Variants in RRP12 observed in about 807,000 individuals in gnomAD.
RRP12 encodes the protein RRP12-like protein.
Under a neutral mutation model 157.3 loss-of-function variants are expected in RRP12, and 78 were observed. The ratio of observed to expected loss-of-function variants is 0.50; its 90% CI spans 0.41 to 0.60. The LOEUF (loss-of-function observed/expected upper bound fraction) is 0.60, where lower values mean the gene tolerates loss of function less well. Ranked by LOEUF, RRP12 falls within the 20% of genes least tolerant of loss-of-function variation. RRP12 has a pLI of 0.00. For missense variants in RRP12, 1,521 were observed against 1,679.9 expected (o/e 0.91, Z 1.65); for synonymous variants, 726 against 670.9 (o/e 1.08, Z -1.27).
At chr10:97,389,879 A>C (rs1330089190) in intron 6 of RRP12, among the ~76,000 whole-genome samples, 3 of 151,858 alleles carry the variant, frequency 2.0e-5, no homozygotes, top group African/African-American at 7.3e-5. Context: ...CACCTGGCTA[A>C]TTTTTATATT....
rs1321764111 is a variant in RRP12 at position 97,373,220 on chromosome 10, T to C, written c.2027-20A>G. The stretch of plus-strand genomic sequence containing the variant: ...CAGCCTCTGGTAAAAGGATCAAAGT[T>C]TGCACTAAAGGCACAGGAGCTGACT... On this transcript the variant is annotated intron_variant, in intron 17 of 33. Coordinates refer to ENST00000370992, the MANE Select transcript of RRP12 (RefSeq NM_015179.4). 5.0e-6 allele frequency: 8 copies of C among 1,612,738 alleles called. No homozygotes were observed. Among genetic ancestry groups the C allele is most frequent in the Middle Eastern group, 1.7e-4 (1 of 6,060 alleles).
chr10:97,360,414 C>T (rs779304480), intron 31 of RRP12, 132 bp downstream of exon 31: 4 of 720,884 alleles, frequency 5.5e-6, no homozygotes, highest in South Asian at 1.6e-5. Flanking sequence ...TATCAGCCAA[C>T]CTCTGTTGGT....
chr10:97,360,658 G>C (rs779204476), intron 30 of RRP12, 40 bp from the exon 31 acceptor site: 2 of 1,501,602 alleles, frequency 1.3e-6, no homozygotes, highest in Non-Finnish European at 1.9e-6. Context: ...TGAACCAGGG[G>C]ATGTGCCCAC....
At chr10:97,359,906 G>A (rs1589407751) in intron 31 of RRP12, among the ~76,000 whole-genome samples, 1 of 152,346 alleles carries the variant, frequency 6.6e-6, no homozygotes, top group East Asian at 1.9e-4. Flanking sequence ...CTAGGGCTGA[G>A]GACACACCAG....
intron 25 of RRP12, among the ~76,000 whole-genome samples, chr10:97,368,520 G>A (rs1844052988): frequency 6.6e-6 from 1 of 150,896 alleles, no homozygotes; most frequent in South Asian, 2.1e-4. Context: ...ACCTCGCCCA[G>A]CTAATTTTTG....
chr10:97,386,816 C>T (rs1482740183), intron 8 of RRP12, among the ~76,000 whole-genome samples: 2 of 152,142 alleles, frequency 1.3e-5, no homozygotes, highest in Non-Finnish European at 2.9e-5. Flanking sequence ...CGGTGAAACC[C>T]CGTGTCTACT....
At chr10:97,398,039 A>ATATATTTTTT (rs1436494245) in intron 2 of RRP12, among the ~76,000 whole-genome samples, 12 of 56,036 alleles carry the variant, frequency 2.1e-4, no homozygotes, top group Non-Finnish European at 2.8e-4. Flanking sequence ...ATATATACGT[A>ATATATTTTTT]TTTTTTTTTT....
At chr10:97,370,069 G>A (rs757560006) in intron 24 of RRP12, 98 bp downstream of exon 24, 1 of 821,488 alleles carries the variant, frequency 1.2e-6, no homozygotes, top group African/African-American at 1.7e-5. Flanking sequence ...ACTTCCTCCA[G>A]GCACCTTTTC....
chr10:97,377,283 G>A (rs551681355), intron 15 of RRP12, among the ~76,000 whole-genome samples: 3 of 152,082 alleles, frequency 2.0e-5, no homozygotes, highest in South Asian at 2.1e-4. Flanking sequence ...TTGGGAGGCC[G>A]AGGCAGGTAG....
rs368523015 is a variant in RRP12 at position 97,358,456 on chromosome 10, G to A, written c.3791+81C>T. ...TCAAATTGAGCTGAGAGTTTAATAAGGCCTTCCCTTCTTTAGAGCACTCTG... is the reference window on the plus strand; with the variant it reads ...TCAAATTGAGCTGAGAGTTTAATAAAGCCTTCCCTTCTTTAGAGCACTCTG... On this transcript the variant is annotated intron_variant, in intron 33 of 33. Coordinates refer to ENST00000370992, the MANE Select transcript of RRP12 (RefSeq NM_015179.4). 2.9e-4 allele frequency: 294 copies of A among 1,015,232 alleles called. No individual in the cohort carries two copies. The Middle Eastern group carries it at 5.8e-3, about 20-fold the overall frequency. The allele number at this position is 1,015,232 out of a possible 1,614,324, so 62.9% of individuals were successfully genotyped here. A position where few individuals can be genotyped will look rare whatever the true frequency, so the allele number is the denominator to read the frequency against.
rs537067759 is a variant in RRP12 at position 97,393,866 on chromosome 10, C to T, written c.454-106G>A. The T allele has an allele frequency of 1.5e-5, 13 of 863,752 alleles. No homozygotes were observed. In the East Asian group the frequency reaches 3.3e-4, roughly 22 times the overall value. The allele number at this position is 863,752 out of a possible 1,614,324, so 53.5% of individuals were successfully genotyped here. A position where few individuals can be genotyped will look rare whatever the true frequency, so the allele number is the denominator to read the frequency against. ...CAGCAGAACAGTTGTGACTGAGAAC[C>T]ACGGTATCAGAGGTTCAGATCCTGA... On this transcript the variant is annotated intron_variant, in intron 3 of 33. Transcript: ENST00000370992.
At chr10:97,399,113 A>C (rs1845064972) in intron 2 of RRP12, among the ~76,000 whole-genome samples, 1 of 152,060 alleles carries the variant, frequency 6.6e-6, no homozygotes, top group Non-Finnish European at 1.5e-5. Context: ...GTCTCTATTA[A>C]AAACAGAAAA....
At chr10:97,393,219 C>A in intron 4 of RRP12, 1 of 447,812 alleles carries the variant, frequency 2.2e-6, no homozygotes, top group South Asian at 1.6e-5. Context: ...CTGCTTTTGC[C>A]TTCAACACTT....
At chr10:97,382,610 A>AT (rs1844502066) in intron 10 of RRP12, among the ~76,000 whole-genome samples, 2 of 152,200 alleles carry the variant, frequency 1.3e-5, no homozygotes, top group Non-Finnish European at 2.9e-5. Context: ...CAGCTTGGTA[A>AT]TGGGGTCAGG....
Position 97,369,524 on chromosome 10 carries a change from G to A in RRP12, c.2856C>T (p.Ala952=), listed in dbSNP as rs1310422200. 6.3e-7 allele frequency: 1 copy of A among 1,596,292 alleles called. No individual in the cohort carries two copies. Among genetic ancestry groups the A allele is most frequent in the African/African-American group, 1.3e-5 (1 of 74,692 alleles). Residue 952 remains alanine, a synonymous_variant, in exon 25 of 34, where the codon GCC becomes GCT. Transcript: ENST00000370992. ...ACTTGACCACGTCACGGGTGCGGGA[G>A]GCCAGAAGCAGGCACACATTCTCCA... is the stretch of plus-strand genomic sequence containing the variant. ...QLLENVCLLL[A]SRTRDVVKSA... is the part of the protein sequence containing the mutation.
rs1481459195 is a variant in RRP12, at chr10:97,357,006, T to A, written c.*88A>T. The A allele has an allele frequency of 4.1e-6, 3 of 728,606 alleles. No individual in the cohort carries two copies. Among genetic ancestry groups the A allele is most frequent in the Non-Finnish European group, 7.1e-6 (3 of 422,188 alleles). 45.1% of individuals were successfully genotyped at this position (728,606 alleles called of 1,614,324 possible). ...ATCCTGAGTCCAGGCTCTGCCAGAATCTTGAGCACCTGGAGCTGGTGGCAA... is the reference window on the plus strand; with the variant it reads ...ATCCTGAGTCCAGGCTCTGCCAGAAACTTGAGCACCTGGAGCTGGTGGCAA... On this transcript the variant is annotated 3_prime_UTR_variant, in exon 34 of 34. Coordinates refer to ENST00000370992, the MANE Select transcript of RRP12 (RefSeq NM_015179.4).
intron 30 of RRP12, among the ~76,000 whole-genome samples, chr10:97,362,342 A>C (rs1413104582): frequency 6.6e-6 from 1 of 152,194 alleles, no homozygotes; most frequent in Non-Finnish European, 1.5e-5. Context: ...GCAAAGCCAC[A>C]TGTGAAGATG....
At chr10:97,388,069 G>C in intron 8 of RRP12, 183 bp downstream of exon 8, 1 of 674,916 alleles carries the variant, frequency 1.5e-6, no homozygotes, top group Non-Finnish European at 2.4e-6. Context: ...CTTCCATCTG[G>C]AAGGGGACTC....
intron 15 of RRP12, among the ~76,000 whole-genome samples, chr10:97,377,799 G>A (rs1022300157): frequency 3.5e-5 from 5 of 143,504 alleles, no homozygotes; most frequent in South Asian, 4.3e-4. Context: ...AGCTGAGATC[G>A]CACCTTTGCA....
Sources: gnomAD v4.1 joint callset for allele counts (sites outside exome capture counted in the v4.1 genomes callset) on GRCh38, gnomAD v4.1.1 for gene constraint, MANE v1.5 for transcripts, NCBI Gene and HGNC (gene_info 2026-07-23, HGNC 2026-07-21) for gene names.